The following GALNT13 variants were observed in gnomAD, a reference collection of about 807,000 sequenced individuals.
The protein encoded by GALNT13 is UDP-GalNAc:polypeptide N-acetylgalactosaminyltransferase 13.
A neutral mutation model predicts 64.2 loss-of-function variants in GALNT13; 28 were observed. That is an observed-to-expected ratio of 0.44 (90% CI 0.32 to 0.60). GALNT13 has a LOEUF of 0.60. Among genes scored for constraint, GALNT13 ranks in the 20% least tolerant of loss-of-function variants. The pLI is 0.05. For missense variants in GALNT13, 577 were observed against 669.8 expected, an observed-to-expected ratio of 0.86 and a Z score of 1.53; for synonymous variants, 214 against 224.6, an observed-to-expected ratio of 0.95 and a Z score of 0.42.
chr2:153,951,146 TTGAC>T (rs1692151137), intron 3 of GALNT13, among the ~76,000 whole-genome samples: 1 of 152,156 alleles, frequency 6.6e-6, no homozygotes, highest in African/African-American at 2.4e-5. Flanking sequence ...GGTGAAAATT[TTGAC>T]TGACTGTAGG....
intron 3 of GALNT13, among the ~76,000 whole-genome samples, chr2:154,026,068 A>G (rs1226749468): frequency 2.6e-5 from 4 of 152,150 alleles, no homozygotes; most frequent in Non-Finnish European, 5.9e-5. Flanking sequence ...AGAACATAGT[A>G]GATTTGCATT....
chr2:154,452,878 TATCCC>T lies in GALNT13; in HGVS notation c.*2328_*2332del, dbSNP rs1256869981. On this transcript the variant is annotated 3_prime_UTR_variant, in exon 13 of 13. Coordinates refer to ENST00000392825, the MANE Select transcript of GALNT13 (RefSeq NM_052917.4). ...GATTGGATTCATAATGCACTTGTCT[TATCCC>T]TTATTTATGGAGCTAGACTGACATA... 6.6e-6 allele frequency: 1 copy of T among 152,192 alleles called. No homozygotes were observed. Among genetic ancestry groups the T allele is most frequent in the Non-Finnish European group, 1.5e-5 (1 of 68,038 alleles). 9.4% of individuals were successfully genotyped at this position (152,192 alleles called of 1,614,324 possible). A position where few individuals can be genotyped will look rare whatever the true frequency, so the allele number is the denominator to read the frequency against.
At chr2:153,630,179 C>A in the GALNT13 span, among the ~76,000 whole-genome samples, 2 of 151,752 alleles carry the variant, frequency 1.3e-5, no homozygotes, top group African/African-American at 4.8e-5. Flanking sequence ...AGTCATGCTG[C>A]TATAAAGACA....
At chr2:153,204,350 TTGTTTCACAGAAGAAAGGCTTC>T in the GALNT13 span, among the ~76,000 whole-genome samples, 133 of 152,344 alleles carry the variant, frequency 8.7e-4, no homozygotes, top group Non-Finnish European at 1.5e-3. Flanking sequence ...GGTCCTTTAT[TTGTTTCACAGAAGAAAGGCTTC>T]TGTTTCACAG....
At chr2:154,169,148 G>T (rs1573797778) in intron 4 of GALNT13, among the ~76,000 whole-genome samples, 1 of 152,122 alleles carries the variant, frequency 6.6e-6, no homozygotes, top group African/African-American at 2.4e-5. Context: ...TAATCATGAG[G>T]GATCCATCCC....
chr2:153,873,934 G>C (rs1336102365), intron 1 of GALNT13, among the ~76,000 whole-genome samples: 1 of 151,768 alleles, frequency 6.6e-6, no homozygotes, highest in Non-Finnish European at 1.5e-5. Flanking sequence ...CTGCTGGTTC[G>C]AGAATATTGA....
chr2:154,027,503 G>C (rs1190749235), intron 3 of GALNT13, among the ~76,000 whole-genome samples: 3 of 152,110 alleles, frequency 2.0e-5, no homozygotes, highest in African/African-American at 7.2e-5. Context: ...TTATAGATGA[G>C]TCACACTTCA....
chr2:154,022,396 A>G (rs1252551402), intron 3 of GALNT13, among the ~76,000 whole-genome samples: 2 of 152,126 alleles, frequency 1.3e-5, no homozygotes, highest in African/African-American at 4.8e-5. Flanking sequence ...TTATTGGTCT[A>G]TTCAGAGATT....
the GALNT13 span, among the ~76,000 whole-genome samples, chr2:153,084,235 A>G: frequency 6.6e-6 from 1 of 152,204 alleles, no homozygotes; most frequent in Admixed American, 6.5e-5. Context: ...TTTTGGTTCA[A>G]TATGAATTTT....
chr2:154,382,346 C>G (rs1204950411), intron 9 of GALNT13, among the ~76,000 whole-genome samples: 1 of 152,014 alleles, frequency 6.6e-6, no homozygotes, highest in Non-Finnish European at 1.5e-5. Context: ...ACATGCTTGG[C>G]CTGCTTTCAT....
chr2:154,164,780 CAT>C (rs1317460652), intron 4 of GALNT13, among the ~76,000 whole-genome samples: 5 of 152,004 alleles, frequency 3.3e-5, no homozygotes, highest in East Asian at 1.9e-4. Flanking sequence ...TGAGCACACA[CAT>C]GTGCACAATC....
the GALNT13 span, among the ~76,000 whole-genome samples, chr2:153,708,698 A>G: frequency 1.3e-5 from 2 of 152,184 alleles, no homozygotes; most frequent in African/African-American, 4.8e-5. Context: ...TTCAAAAACA[A>G]CAAAGCTGGA....
chr2:154,167,124 A>G (rs1002220994), intron 4 of GALNT13, among the ~76,000 whole-genome samples: 6 of 152,188 alleles, frequency 3.9e-5, no homozygotes, highest in African/African-American at 1.4e-4. Context: ...TTTAAAGTAT[A>G]CTAATAAAAA....
At chr2:153,532,256 A>T in the GALNT13 span, among the ~76,000 whole-genome samples, 2 of 152,036 alleles carry the variant, frequency 1.3e-5, no homozygotes, top group East Asian at 3.9e-4. Context: ...CATTCTGCAT[A>T]CCCACAGGCT....
At chr2:154,282,048 A>G (rs898413481) in intron 8 of GALNT13, among the ~76,000 whole-genome samples, 1 of 152,168 alleles carries the variant, frequency 6.6e-6, no homozygotes, top group Non-Finnish European at 1.5e-5. Flanking sequence ...AAAATACTTG[A>G]TAATTGGACA....
chr2:153,926,164 A>AT (rs950671767), intron 2 of GALNT13: 11 of 152,052 alleles, frequency 7.2e-5, no homozygotes, highest in African/African-American at 2.7e-4. Context: ...GTTGCATGTG[A>AT]TTTTAATTTA....
the GALNT13 span, chr2:153,478,353 G>A: frequency 1.2e-6 from 2 of 1,614,158 alleles, no homozygotes; most frequent in Non-Finnish European, 8.5e-7. Flanking sequence ...AGAAGATGCC[G>A]AAGACCACGG....
the GALNT13 span, among the ~76,000 whole-genome samples, chr2:153,230,954 A>G: frequency 2.6e-5 from 4 of 152,176 alleles, no homozygotes; most frequent in Non-Finnish European, 2.9e-5. Context: ...TTTTCTTTAT[A>G]TTCATCAAAA....
the GALNT13 span, among the ~76,000 whole-genome samples, chr2:153,786,746 G>A: frequency 9.2e-5 from 14 of 152,040 alleles, no homozygotes; most frequent in Admixed American, 9.2e-4. Flanking sequence ...ACCCCCAGTG[G>A]CAATTGAAAG....
Sources: gnomAD v4.1 joint callset for allele counts (sites outside exome capture counted in the v4.1 genomes callset) on GRCh38, gnomAD v4.1.1 for gene constraint, MANE v1.5 for transcripts, NCBI Gene and HGNC (gene_info 2026-07-23, HGNC 2026-07-21) for gene names.